The following SEC24B variants were observed in gnomAD, a reference collection of about 807,000 sequenced individuals.
SEC24B encodes the protein SEC24 homolog B, COPII component.
Under a neutral mutation model 142.8 loss-of-function variants are expected in SEC24B, and 45 were observed. The ratio of observed to expected loss-of-function variants is 0.32; its 90% CI spans 0.25 to 0.40. The LOEUF (loss-of-function observed/expected upper bound fraction) is 0.40. Ranked by LOEUF, SEC24B falls within the 10% of genes least tolerant of loss-of-function variation. The probability of loss-of-function intolerance (pLI) is 1.00; values close to 1 mark genes in which losing one functional copy is unlikely to be tolerated. For missense variants in SEC24B, 1,409 were observed against 1,526.8 expected, an observed-to-expected ratio of 0.92 and a Z score of 1.29; for synonymous variants, 574 against 568.2, an observed-to-expected ratio of 1.01 and a Z score of -0.15.
rs532212635 is a variant in SEC24B at position 109,510,016 on chromosome 4, C to T, written c.1681C>T (p.Arg561Trp). The T allele has an allele frequency of 3.8e-6, 6 of 1,597,116 alleles. No homozygotes were observed. Among genetic ancestry groups the T allele is most frequent in the South Asian group, 3.4e-5 (3 of 87,392 alleles). ...TGTTTATGTTTTTTGCAGTTCATTTCGGTGTACTTTGACAAATATTCCACA... is the reference window on the plus strand; with the variant it reads ...TGTTTATGTTTTTTGCAGTTCATTTTGGTGTACTTTGACAAATATTCCACA... The part of the protein sequence containing the change: ...KKLNCSPDSF[R>W]CTLTNIPQTQ... Residue 561 changes from arginine to tryptophan, a missense_variant, in exon 8 of 24, where the codon CGG (arginine) becomes TGG (tryptophan). Physicochemically the swap from Arg to Trp is moderately radical, Grantham distance 101. Transcript: ENST00000265175.
intron 2 of SEC24B, among the ~76,000 whole-genome samples, chr4:109,469,673 C>A (rs1333567099): frequency 6.6e-6 from 1 of 152,028 alleles, no homozygotes; most frequent in African/African-American, 2.4e-5. Context: ...TGTGTAAATG[C>A]AAAAAGGCAA....
At chr4:109,452,072 C>T (rs1335694315) in intron 1 of SEC24B, among the ~76,000 whole-genome samples, 1 of 144,268 alleles carries the variant, frequency 6.9e-6, no homozygotes, top group Non-Finnish European at 1.5e-5. Flanking sequence ...AGTTCCATCA[C>T]CATGAAAAAA....
chr4:109,496,051 A>G (rs1181971985), intron 6 of SEC24B, among the ~76,000 whole-genome samples: 2 of 152,220 alleles, frequency 1.3e-5, no homozygotes, highest in East Asian at 3.8e-4. Flanking sequence ...ACAGTTAAAT[A>G]CTTAACAGGA....
At chr4:109,449,058 G>A (rs376728381) in intron 1 of SEC24B, among the ~76,000 whole-genome samples, 6 of 151,692 alleles carry the variant, frequency 4.0e-5, no homozygotes, top group East Asian at 1.9e-4. Context: ...TGAATTTTTC[G>A]TAAGAATACC....
chr4:109,455,173 A>G lies in SEC24B; in HGVS notation c.134-7728A>G, dbSNP rs1730536638. ...GAGCTGCCCCTTTGGCCTCTGTAGTAAGAATTCATTGTCAATCCCAGATTC... is the reference window on the plus strand; with the variant it reads ...GAGCTGCCCCTTTGGCCTCTGTAGTGAGAATTCATTGTCAATCCCAGATTC... On this transcript the variant is annotated intron_variant, in intron 1 of 23. Coordinates refer to ENST00000265175, the MANE Select transcript of SEC24B (RefSeq NM_006323.5). Among the ~76,000 whole-genome samples, 3 of 152,176 alleles carry G rather than the reference A, an allele frequency of 2.0e-5. No homozygotes were observed. The South Asian group carries it at 6.2e-4, about 31-fold the overall frequency.
chr4:109,459,852 T>C (rs1427076663), intron 1 of SEC24B, among the ~76,000 whole-genome samples: 5 of 152,222 alleles, frequency 3.3e-5, no homozygotes, highest in African/African-American at 1.2e-4. Context: ...TGGCTCTTCA[T>C]TGATAAATTC....
At chr4:109,435,459 A>G (rs1030738454) in intron 1 of SEC24B, among the ~76,000 whole-genome samples, 1 of 152,234 alleles carries the variant, frequency 6.6e-6, no homozygotes, top group African/African-American at 2.4e-5. Flanking sequence ...GTCTTTTAGA[A>G]CATTGTAGAC....
intron 8 of SEC24B, among the ~76,000 whole-genome samples, chr4:109,511,487 A>T (rs1263807251): frequency 1.3e-5 from 2 of 152,244 alleles, no homozygotes; most frequent in Non-Finnish European, 2.9e-5. Context: ...CTACTTGAAT[A>T]TAAAATTCAT....
intron 6 of SEC24B, among the ~76,000 whole-genome samples, chr4:109,503,580 G>A (rs562254743): frequency 2.0e-5 from 3 of 151,802 alleles, no homozygotes; most frequent in East Asian, 1.9e-4. Flanking sequence ...AACTGGCCTC[G>A]AACTCCTGAA....
intron 2 of SEC24B, among the ~76,000 whole-genome samples, chr4:109,465,148 T>G (rs1039929541): frequency 6.6e-6 from 1 of 152,106 alleles, no homozygotes; most frequent in Non-Finnish European, 1.5e-5. Flanking sequence ...GGCTGGAAAA[T>G]GAATATTGAA....
intron 1 of SEC24B, among the ~76,000 whole-genome samples, chr4:109,439,427 TG>T (rs1349683947): frequency 7.3e-6 from 1 of 136,422 alleles, no homozygotes; most frequent in Admixed American, 7.5e-5. Flanking sequence ...TATACCCCTG[TG>T]GTATTAAAGT....
In SEC24B at chr4:109,495,781, C is replaced by T. The variant is rs1159589480; in HGVS notation, c.1488+925C>T. Among the ~76,000 whole-genome samples, 5 of 152,150 alleles carry T rather than the reference C, an allele frequency of 3.3e-5. No homozygotes were observed. The East Asian group carries it at 9.6e-4, about 29-fold the overall frequency. On this transcript the variant is annotated intron_variant, in intron 6 of 23. Transcript: ENST00000265175. ...GAACATGTCTAGCCCCTAGTTCCTG[C>T]CAGCATTCACTCTTGCAGGCTCCCA...
chr4:109,445,595 G>A (rs925869037), intron 1 of SEC24B, among the ~76,000 whole-genome samples: 1 of 148,818 alleles, frequency 6.7e-6, no homozygotes, highest in Non-Finnish European at 1.5e-5. Context: ...TTGAGACAGG[G>A]TCTCACTCTG....
At chr4:109,476,267 G>A (rs1482743290) in intron 3 of SEC24B, among the ~76,000 whole-genome samples, 2 of 152,158 alleles carry the variant, frequency 1.3e-5, no homozygotes, top group Non-Finnish European at 1.5e-5. Flanking sequence ...GATTACAGGC[G>A]TGACCATTGT....
At chr4:109,531,002 A>T (rs1471047291) in intron 19 of SEC24B, among the ~76,000 whole-genome samples, 3 of 151,746 alleles carry the variant, frequency 2.0e-5, no homozygotes, top group African/African-American at 7.3e-5. Context: ...AATGTGTGTG[A>T]GCAGTTTGCA....
chr4:109,506,370 T>C lies in SEC24B; in HGVS notation c.1531T>C (p.Leu511=), dbSNP rs776434978. Residue 511 remains leucine, a synonymous_variant, in exon 7 of 24, where the codon TTG becomes CTG. Transcript: ENST00000265175. ...VNQLSSSIGG[L]SLQSSPQPES... ...CCAGCTATCCTCCAGTATAGGAGGA[T>C]TGAGTCTTCAGAGTTCTCCACAACC... 4 of 1,607,968 alleles carry C rather than the reference T, an allele frequency of 2.5e-6. No individual in the cohort carries two copies. The African/African-American group carries it at 5.4e-5, about 22-fold the overall frequency.
chr4:109,467,352 G>A (rs1053113851), intron 2 of SEC24B, among the ~76,000 whole-genome samples: 16 of 148,570 alleles, frequency 1.1e-4, no homozygotes, highest in Middle Eastern at 3.5e-3. Flanking sequence ...AAAAAAGTCC[G>A]CTCCAAGTAT....
intron 14 of SEC24B, among the ~76,000 whole-genome samples, chr4:109,523,365 A>T (rs573230273): frequency 6.6e-6 from 1 of 152,046 alleles, no homozygotes; most frequent in East Asian, 1.9e-4. Flanking sequence ...AGCTACTCAG[A>T]TGGCTGAGGC....
At chr4:109,471,071 ATATATATG>A (rs1407711264) in intron 2 of SEC24B, among the ~76,000 whole-genome samples, 2 of 145,386 alleles carry the variant, frequency 1.4e-5, no homozygotes, top group Admixed American at 1.3e-4. Context: ...TTTATTATGC[ATATATATG>A]TATATATACA....
Sources: allele counts gnomAD v4.1 joint callset (sites outside exome capture counted in the v4.1 genomes callset), GRCh38; gene constraint gnomAD v4.1.1; transcripts MANE v1.5; gene names NCBI Gene and HGNC (gene_info 2026-07-23, HGNC 2026-07-21).